Variants in SLC39A11 observed in about 807,000 individuals in gnomAD.
SLC39A11 encodes the protein zinc transporter ZIP11.
In SLC39A11, 33 loss-of-function variants were observed where a neutral mutation model predicts 36.1. The ratio of observed to expected loss-of-function variants is 0.91; its 90% CI spans 0.69 to 1.22. The LOEUF (loss-of-function observed/expected upper bound fraction) is 1.22. Among genes scored for constraint, SLC39A11 ranks in the 50% most tolerant of loss-of-function variants. The pLI is 0.00. For synonymous variants in SLC39A11, 166 were observed against 170.3 expected (o/e 0.97, Z 0.20); for missense variants, 432 against 430.3 (o/e 1.00, Z -0.03).
chr17:73,091,892 C>T (rs1009823884), intron 1 of SLC39A11: 2 of 152,254 alleles, frequency 1.3e-5, no homozygotes. Flanking sequence ...TCCTTTCTCC[C>T]CCTTTTAAAC....
intron 6 of SLC39A11, among the ~76,000 whole-genome samples, chr17:72,797,747 C>T (rs1237732090): frequency 1.3e-5 from 2 of 152,110 alleles, no homozygotes; most frequent in Non-Finnish European, 2.9e-5. Flanking sequence ...AATCTAAGCT[C>T]GCAGGTGGCA....
intron 6 of SLC39A11, among the ~76,000 whole-genome samples, chr17:72,753,406 T>A (rs115967283): frequency 0.015 from 2,348 of 152,314 alleles, 61 homozygotes; most frequent in African/African-American, 0.053. Context: ...AATCTATCCA[T>A]TTAACTTTCT....
intron 6 of SLC39A11, among the ~76,000 whole-genome samples, chr17:72,787,068 C>A (rs977070202): frequency 2.0e-5 from 3 of 152,084 alleles, no homozygotes; most frequent in African/African-American, 7.2e-5. Flanking sequence ...GATCTGCCCT[C>A]CTCAGCCTCC....
chr17:72,852,204 C>CAAAAAAAAAAAAAAAAAAAAAAAAAAAAA (rs1167034424), intron 5 of SLC39A11, among the ~76,000 whole-genome samples: 15 of 39,908 alleles, frequency 3.8e-4, no homozygotes, highest in Non-Finnish European at 5.7e-4. Context: ...GACTCCGTCT[C>CAAAAAAAAAAAAAAAAAAAAAAAAAAAAA]AAAAAAAAAA....
chr17:72,715,989 G>T (rs963685827), intron 7 of SLC39A11, among the ~76,000 whole-genome samples: 7 of 152,064 alleles, frequency 4.6e-5, no homozygotes, highest in African/African-American at 2.4e-5. Flanking sequence ...GAGCCACCGT[G>T]CCCGGCCAAA....
At chr17:72,838,867 TG>T in intron 6 of SLC39A11, among the ~76,000 whole-genome samples, 1 of 152,210 alleles carries the variant, frequency 6.6e-6, no homozygotes, top group Non-Finnish European at 1.5e-5. Flanking sequence ...CATGGAGTTA[TG>T]ATAGCAGTGG....
chr17:72,778,767 T>G (rs1286309212), intron 6 of SLC39A11, among the ~76,000 whole-genome samples: 1 of 152,248 alleles, frequency 6.6e-6, no homozygotes, highest in Non-Finnish European at 1.5e-5. Flanking sequence ...GTCCCTACGC[T>G]GAGCAAGACC....
intron 5 of SLC39A11, among the ~76,000 whole-genome samples, chr17:72,899,204 C>T (rs933684621): frequency 4.6e-5 from 7 of 152,064 alleles, no homozygotes; most frequent in African/African-American, 1.7e-4. Flanking sequence ...GCTCCATTTC[C>T]CCAGCAGCAA....
intron 5 of SLC39A11, among the ~76,000 whole-genome samples, chr17:72,945,918 C>G (rs566191757): frequency 2.0e-5 from 3 of 152,168 alleles, no homozygotes; most frequent in Admixed American, 2.0e-4. Flanking sequence ...CACCTTCCCC[C>G]GACCCCACCA....
At chr17:72,875,159 G>T (rs2080831452) in intron 5 of SLC39A11, among the ~76,000 whole-genome samples, 1 of 152,202 alleles carries the variant, frequency 6.6e-6, no homozygotes, top group Admixed American at 6.5e-5. Flanking sequence ...TTTCAAAGGG[G>T]AGGAAGTCAC....
chr17:72,709,978 A>C (rs1351325448), intron 7 of SLC39A11, among the ~76,000 whole-genome samples: 1 of 152,216 alleles, frequency 6.6e-6, no homozygotes, highest in Admixed American at 6.5e-5. Flanking sequence ...ATTTTCAATT[A>C]TAATTTTGAT....
intron 5 of SLC39A11, among the ~76,000 whole-genome samples, chr17:72,873,464 G>A (rs1308878470): frequency 6.6e-6 from 1 of 152,080 alleles, no homozygotes; most frequent in African/African-American, 2.4e-5. Flanking sequence ...TTCCAACTTG[G>A]CTGGCCCTAT....
At chr17:72,899,941 G>A (rs1476662438) in intron 5 of SLC39A11, among the ~76,000 whole-genome samples, 7 of 145,770 alleles carry the variant, frequency 4.8e-5, no homozygotes, top group African/African-American at 1.8e-4. Flanking sequence ...CAGCCTGGGT[G>A]ACACAACAAG....
At chr17:72,892,276 G>A (rs1401221213) in intron 5 of SLC39A11, among the ~76,000 whole-genome samples, 1 of 151,866 alleles carries the variant, frequency 6.6e-6, no homozygotes, top group Non-Finnish European at 1.5e-5. Context: ...CAGGTGTGAT[G>A]GCGCATACCT....
intron 3 of SLC39A11, among the ~76,000 whole-genome samples, chr17:73,048,900 T>C (rs897611258): frequency 6.6e-6 from 1 of 152,234 alleles, no homozygotes; most frequent in African/African-American, 2.4e-5. Flanking sequence ...TTACCCATCC[T>C]GAACATGGTA....
At chr17:72,771,894 G>A (rs867961422) in intron 6 of SLC39A11, among the ~76,000 whole-genome samples, 17 of 152,174 alleles carry the variant, frequency 1.1e-4, no homozygotes, top group Non-Finnish European at 2.2e-4. Flanking sequence ...GGGAAGGAAG[G>A]GCAAGGCACA....
intron 7 of SLC39A11, among the ~76,000 whole-genome samples, chr17:72,676,757 AGTCTAGACTTT>A (rs569705582): frequency 1.5e-4 from 23 of 152,262 alleles, no homozygotes; most frequent in African/African-American, 3.9e-4. Flanking sequence ...CACTTATGGA[AGTCTAGACTTT>A]TGGTATACGT....
chr17:72,882,566 C>G (rs888782358), intron 5 of SLC39A11, among the ~76,000 whole-genome samples: 19 of 152,100 alleles, frequency 1.2e-4, no homozygotes, highest in South Asian at 2.1e-4. Context: ...AGGACCGAAT[C>G]CAAGAGTTGC....
intron 1 of SLC39A11, 135 bp downstream of exon 1, chr17:73,092,476 C>T (rs1035166357): frequency 1.3e-5 from 2 of 151,904 alleles, no homozygotes; most frequent in African/African-American, 4.8e-5. Flanking sequence ...CTCCAAACCC[C>T]TCCTCTCTCC....
Sources: gnomAD v4.1 joint callset for allele counts (sites outside exome capture counted in the v4.1 genomes callset) on GRCh38, gnomAD v4.1.1 for gene constraint, MANE v1.5 for transcripts, NCBI Gene and HGNC (gene_info 2026-07-23, HGNC 2026-07-21) for gene names.